OXCT1: variants seen among roughly 807,000 people sequenced by gnomAD.
OXCT1 encodes the protein 3-oxoacid CoA-transferase 1.
OXCT1 carries 27 observed loss-of-function variants against 69.6 expected under a neutral mutation model. The ratio of observed to expected loss-of-function variants is 0.39; its 90% CI spans 0.29 to 0.54. The LOEUF (loss-of-function observed/expected upper bound fraction) is 0.54. OXCT1 is among the 20% of genes least tolerant of loss of function. OXCT1 has a pLI of 0.72. For synonymous variants in OXCT1, 202 were observed against 217.8 expected (o/e 0.93, Z 0.64); for missense variants, 437 against 650.2 (o/e 0.67, Z 3.57).
At chr5:41,840,328 A>T (rs1748565111) in intron 7 of OXCT1, 123 bp downstream of exon 7, 1 of 797,522 alleles carries the variant, frequency 1.3e-6, no homozygotes, top group Admixed American at 2.2e-5. Flanking sequence ...ATCCATTTCC[A>T]AAACAAAAAA....
intron 7 of OXCT1, among the ~76,000 whole-genome samples, chr5:41,814,213 G>A (rs1359062947): frequency 2.0e-5 from 3 of 152,108 alleles, no homozygotes; most frequent in African/African-American, 7.2e-5. Flanking sequence ...CTAATTCAAT[G>A]AAGACAGAAA....
chr5:41,738,808 C>T (rs1180719558), intron 16 of OXCT1, among the ~76,000 whole-genome samples: 1 of 152,160 alleles, frequency 6.6e-6, no homozygotes, highest in Non-Finnish European at 1.5e-5. Context: ...TTGGAGGTTT[C>T]TTAAACGGAT....
chr5:41,844,098 T>C (rs1281819139), intron 5 of OXCT1, among the ~76,000 whole-genome samples: 2 of 152,220 alleles, frequency 1.3e-5, no homozygotes, highest in Non-Finnish European at 2.9e-5. Context: ...TCTTTTATAT[T>C]CTAGTTACAT....
At chr5:41,737,770 T>C (rs1460580193) in intron 16 of OXCT1, among the ~76,000 whole-genome samples, 1 of 152,198 alleles carries the variant, frequency 6.6e-6, no homozygotes, top group Non-Finnish European at 1.5e-5. Context: ...TAGAGAAATG[T>C]GTAGGCCGGG....
chr5:41,795,501 T>C (rs140372581), intron 11 of OXCT1, among the ~76,000 whole-genome samples: 2 of 152,292 alleles, frequency 1.3e-5, no homozygotes, highest in African/African-American at 4.8e-5. Context: ...AATGCTACTG[T>C]AAGTCACTGA....
intron 9 of OXCT1, 148 bp from the exon 10 acceptor site, chr5:41,803,311 G>T: frequency 1.7e-6 from 1 of 572,144 alleles, no homozygotes; most frequent in Non-Finnish European, 3.1e-6. Context: ...AATCACCCAT[G>T]GCGCATTATT....
At chr5:41,809,045 T>A (rs560153596) in intron 7 of OXCT1, among the ~76,000 whole-genome samples, 23 of 151,600 alleles carry the variant, frequency 1.5e-4, no homozygotes, top group Non-Finnish European at 2.6e-4. Context: ...GGTGTAGCCA[T>A]GTGATTAATC....
intron 15 of OXCT1, among the ~76,000 whole-genome samples, chr5:41,740,540 T>C (rs1342373849): frequency 6.6e-6 from 1 of 152,206 alleles, no homozygotes; most frequent in Non-Finnish European, 1.5e-5. Flanking sequence ...CCTCAGCAGA[T>C]AGACCCCACC....
intron 7 of OXCT1, among the ~76,000 whole-genome samples, chr5:41,815,334 C>T (rs1747186861): frequency 6.6e-6 from 1 of 152,058 alleles, no homozygotes; most frequent in Admixed American, 6.6e-5. Context: ...ATTAGACTAA[C>T]ACTTTATTTT....
chr5:41,783,112 G>T (rs145363974), intron 13 of OXCT1, among the ~76,000 whole-genome samples: 1,732 of 152,302 alleles, frequency 0.011, 18 homozygotes, highest in Middle Eastern at 0.041. Context: ...TGCAGCATTT[G>T]CTTCAAAATA....
At chr5:41,749,096 C>T (rs1438430152) in intron 15 of OXCT1, among the ~76,000 whole-genome samples, 1 of 152,092 alleles carries the variant, frequency 6.6e-6, no homozygotes, top group Non-Finnish European at 1.5e-5. Context: ...TCTTGGCTTA[C>T]TGTGGGGCCT....
intron 7 of OXCT1, among the ~76,000 whole-genome samples, chr5:41,836,336 A>C (rs1408394240): frequency 1.3e-5 from 2 of 152,190 alleles, no homozygotes. Flanking sequence ...GGTCCATAAG[A>C]GGGGTAGGAA....
At chr5:41,844,567 A>T (rs1748799849) in intron 5 of OXCT1, among the ~76,000 whole-genome samples, 1 of 151,914 alleles carries the variant, frequency 6.6e-6, no homozygotes, top group South Asian at 2.1e-4. Context: ...ACACTCATCT[A>T]GTATACAGAT....
intron 13 of OXCT1, among the ~76,000 whole-genome samples, chr5:41,790,750 G>C (rs184278761): frequency 6.6e-6 from 1 of 152,142 alleles, no homozygotes; most frequent in East Asian, 1.9e-4. Context: ...AATTACATAA[G>C]TCAACAAATC....
intron 9 of OXCT1, among the ~76,000 whole-genome samples, chr5:41,803,606 A>G (rs1407958684): frequency 6.6e-6 from 1 of 152,098 alleles, no homozygotes; most frequent in African/African-American, 2.4e-5. Context: ...AAATTTTAAA[A>G]AAGTTTTCTG....
chr5:41,731,826 T>C, intron 16 of OXCT1, 56 bp from the exon 17 acceptor site: 2 of 1,562,312 alleles, frequency 1.3e-6, no homozygotes, highest in South Asian at 2.3e-5. Flanking sequence ...TATAAATCTC[T>C]CTCCTTTTAA....
intron 7 of OXCT1, among the ~76,000 whole-genome samples, chr5:41,808,552 A>G (rs1484341872): frequency 5.3e-5 from 8 of 152,130 alleles, no homozygotes; most frequent in Non-Finnish European, 1.5e-5. Flanking sequence ...CATGGTGGAT[A>G]AAAGCTATCT....
In OXCT1 at chr5:41,731,635, T is replaced by C. The variant is rs886060635; in HGVS notation, c.*94A>G. 33 of 1,507,710 alleles carry C rather than the reference T, an allele frequency of 2.2e-5. No homozygotes were observed. Among genetic ancestry groups the C allele is most frequent in the Non-Finnish European group, 2.9e-5 (32 of 1,110,834 alleles). The allele number at this position is 1,507,710 out of a possible 1,614,324, so 93.4% of individuals were successfully genotyped here. A position where few individuals can be genotyped will look rare whatever the true frequency, so the allele number is the denominator to read the frequency against. ...ACAAGAAAACTAATAAAAAACCACC[T>C]GTTAAATACACAATTATGATTATTG... On this transcript the variant is annotated 3_prime_UTR_variant, in exon 17 of 17. Transcript: ENST00000196371.
Position 41,794,748 on chromosome 5 carries a change from G to A in OXCT1, c.1101C>T (p.Gly367=), listed in dbSNP as rs1746093668. ...CTGGAAGAATAGTAACTGTTTCCTT[G>A]CCTAAACACACACACACACAAAAGA... ...HEADADLINA[G]KETVTILPGA... Residue 367 remains glycine (G), a splice_region_variant and synonymous_variant, in exon 12 of 17, where the codon GGC becomes GGT. Coordinates refer to ENST00000196371, the MANE Select transcript of OXCT1 (RefSeq NM_000436.4). The A allele has an allele frequency of 6.2e-7, 1 of 1,613,150 alleles. No homozygotes were observed. The highest frequency in any genetic ancestry group is 8.5e-7 in the Non-Finnish European group (1 of 1,179,858).
Sources: gnomAD v4.1 joint callset for allele counts (sites outside exome capture counted in the v4.1 genomes callset) on GRCh38, gnomAD v4.1.1 for gene constraint, MANE v1.5 for transcripts, NCBI Gene and HGNC (gene_info 2026-07-23, HGNC 2026-07-21) for gene names.